MLH3: variants seen among roughly 807,000 people sequenced by gnomAD.
The protein encoded by MLH3 is mutL homolog 3.
Under a neutral mutation model 122.2 loss-of-function variants are expected in MLH3, and 82 were observed. That is an observed-to-expected ratio of 0.67 (90% confidence interval 0.56 to 0.81). MLH3 has a LOEUF of 0.81. Ranked by LOEUF, MLH3 falls within the 30% of genes least tolerant of loss-of-function variation. The probability of loss-of-function intolerance (pLI) is 0.00; values close to 1 mark genes in which losing one functional copy is unlikely to be tolerated. For synonymous variants in MLH3, 524 were observed against 599.5 expected (o/e 0.87, Z 1.84); for missense variants, 1,539 against 1,714.5 (o/e 0.90, Z 1.81).
chr14:75,027,998 T>C (rs549511360), intron 9 of MLH3, among the ~76,000 whole-genome samples: 9 of 147,026 alleles, frequency 6.1e-5, no homozygotes, highest in Non-Finnish European at 1.0e-4. Flanking sequence ...AAATGGAATA[T>C]ATAACTTCTA....
intron 2 of MLH3, among the ~76,000 whole-genome samples, chr14:75,045,067 C>G (rs748697960): frequency 6.6e-6 from 1 of 152,194 alleles, no homozygotes; most frequent in Non-Finnish European, 1.5e-5. Flanking sequence ...CAGTGGCTCA[C>G]GCCTATAATC....
rs28757015 is a variant in MLH3, at chr14:75,039,153, G to A, written c.3571-741C>T. On this transcript the variant is annotated intron_variant, in intron 5 of 12. Transcript: ENST00000355774. ...ATTACAGGCGTGAGCCAGCGCGCCC[G>A]GCTGCTAGTCTATTAAAGAAGTAAG... Among the ~76,000 whole-genome samples, 1,363 of 152,256 alleles carry A rather than the reference G, an allele frequency of 9.0e-3. 18 individuals carry two copies. Among genetic ancestry groups the A allele is most frequent in the African/African-American group, 0.03 (1,231 of 41,546 alleles).
intron 11 of MLH3, 44 bp from the exon 12 acceptor site, chr14:75,019,024 G>C (rs74408167): frequency 1.3e-6 from 2 of 1,567,912 alleles, no homozygotes; most frequent in Non-Finnish European, 1.8e-6. Context: ...GTATATAGTG[G>C]GAAACCAATG....
Position 75,041,714 on chromosome 14 carries a change from G to A in MLH3, c.3380-14C>T, listed in dbSNP as rs1216658521. 1 of 1,602,684 alleles carries A rather than the reference G, an allele frequency of 6.2e-7. No homozygotes were observed. The highest frequency in any genetic ancestry group is 8.6e-7 in the Non-Finnish European group (1 of 1,169,584). On this transcript the variant is annotated splice_polypyrimidine_tract_variant and intron_variant, in intron 3 of 12. Coordinates refer to ENST00000355774, the MANE Select transcript of MLH3 (RefSeq NM_001040108.2). The stretch of plus-strand genomic sequence containing the variant: ...CATCCACAGTATCTAGGGCAAAAGG[G>A]AACAGGTAAAGTTGGCATCCAGAAC...
At position 75,037,019 on chromosome 14, in the gene MLH3, C is replaced by T. The variant is rs189000608; in HGVS notation, c.3643+1321G>A. Among the ~76,000 whole-genome samples the T allele has an allele frequency of 7.0e-4, 106 of 151,878 alleles. 1 individual carries two copies. Among genetic ancestry groups the T allele is most frequent in the African/African-American group, 2.4e-3 (100 of 41,382 alleles). On this transcript the variant is annotated intron_variant, in intron 6 of 12. Transcript: ENST00000355774. ...TGCAAATGTGATGTGACATGTACCA[C>T]CCCAAAAACAACATCAAAATACAAA...
intron 11 of MLH3, among the ~76,000 whole-genome samples, chr14:75,020,217 G>A (rs57200967): frequency 0.036 from 5,521 of 152,304 alleles, 378 homozygotes; most frequent in African/African-American, 0.13. Context: ...GTGATATGAC[G>A]TGACACTGGA....
Position 75,049,000 on chromosome 14 carries a change from T to C in MLH3, c.656A>G (p.Lys219Arg). ...SRFCQIYGLG[K>R]SQKLREISFK... ...ACTTATTTCTCTTAGCTTTTGGGAC[T>C]TTCCCAATCCATAAATTTGACAAAA... The change falls in exon 2 of 13, where the codon AAG (lysine) becomes AGG (arginine). Residue 219 changes from lysine to arginine, a missense_variant. Lys to Arg is a conservative substitution (Grantham distance 26, BLOSUM62 2). Coordinates refer to ENST00000355774, the MANE Select transcript of MLH3 (RefSeq NM_001040108.2). The C allele has an allele frequency of 6.2e-7, 1 of 1,614,144 alleles. No individual in the cohort carries two copies. The highest frequency in any genetic ancestry group is 8.5e-7 in the Non-Finnish European group (1 of 1,180,018).
intron 9 of MLH3, among the ~76,000 whole-genome samples, chr14:75,025,397 G>A (rs569671477): frequency 2.0e-4 from 30 of 152,264 alleles, no homozygotes; most frequent in African/African-American, 6.0e-4. Flanking sequence ...CTTCATAGCC[G>A]TTATTGACCA....
At chr14:75,023,424 C>A (rs1224006574) in intron 9 of MLH3, among the ~76,000 whole-genome samples, 1 of 152,218 alleles carries the variant, frequency 6.6e-6, no homozygotes, top group Non-Finnish European at 1.5e-5. Flanking sequence ...AATAAATACA[C>A]AACAACCATC....
At position 75,042,485 on chromosome 14, in the gene MLH3, TAAGA is replaced by T. The variant is rs1356052383; in HGVS notation, c.3281-12_3281-9del. On this transcript the variant is annotated splice_polypyrimidine_tract_variant and intron_variant, in intron 2 of 12. Coordinates refer to ENST00000355774, the MANE Select transcript of MLH3 (RefSeq NM_001040108.2). Reference sequence around the variant, plus strand: ...GACACCTGTACTGAGACCCTAAATATAAGAAAGAAAAACCTAGAAATGTGAACTT... The same window carrying T: ...GACACCTGTACTGAGACCCTAAATATAAGAAAAACCTAGAAATGTGAACTT... The T allele has an allele frequency of 3.1e-6, 5 of 1,604,572 alleles. No individual in the cohort carries two copies. Among genetic ancestry groups the T allele is most frequent in the Non-Finnish European group, 4.3e-6 (5 of 1,171,466 alleles).
chr14:75,025,480 AC>A (rs1258187134), intron 9 of MLH3, among the ~76,000 whole-genome samples: 2 of 152,074 alleles, frequency 1.3e-5, no homozygotes, highest in East Asian at 3.9e-4. Flanking sequence ...TCCCTCTCTA[AC>A]CAAGTATTTT....
Position 75,048,945 on chromosome 14 carries a change from G to A in MLH3, c.711C>T (p.Gly237=), listed in dbSNP as rs758878329. 2.5e-6 allele frequency: 4 copies of A among 1,613,180 alleles called. No individual in the cohort carries two copies. The highest frequency in any genetic ancestry group is 3.3e-5 in the Admixed American group (2 of 59,860). The change falls in exon 2 of 13, where the codon GGC becomes GGT. Residue 237 remains glycine, a synonymous_variant. Coordinates refer to ENST00000355774, the MANE Select transcript of MLH3 (RefSeq NM_001040108.2). ...TGTAATGTGCTTCAGAGCTGATATA[G>A]CCACTAAGCTCAAACTCTTTATATT... ...SFKYKEFELS[G]YISSEAHYNK... is the part of the protein sequence containing the mutation.
chr14:75,030,749 A>T (rs2139389355), intron 8 of MLH3, 47 bp from the exon 9 acceptor site: 1 of 1,523,532 alleles, frequency 6.6e-7, no homozygotes, highest in Non-Finnish European at 9.1e-7. Context: ...GTGCTACTTC[A>T]TTTGCACTTC....
intron 9 of MLH3, among the ~76,000 whole-genome samples, chr14:75,026,230 A>G (rs1890619957): frequency 6.6e-6 from 1 of 152,198 alleles, no homozygotes; most frequent in African/African-American, 2.4e-5. Context: ...CTGTGCTCCA[A>G]ATCAAGAAAG....
In MLH3 at chr14:75,041,409, C is replaced by T. The variant is rs1018385204; in HGVS notation, c.3465+206G>A. Among the ~76,000 whole-genome samples the T allele has an allele frequency of 6.6e-5, 10 of 151,942 alleles. No individual in the cohort carries two copies. The South Asian group carries it at 1.0e-3, about 16-fold the overall frequency. ...TACTAAAAATACAAAATTCGCTGGG[C>T]GTGGTGGCAGGTGCCTGTAATCCCA... On this transcript the variant is annotated intron_variant, in intron 4 of 12. Coordinates refer to ENST00000355774, the MANE Select transcript of MLH3 (RefSeq NM_001040108.2).
At chr14:75,050,618 T>G (rs1892592552) in intron 1 of MLH3, among the ~76,000 whole-genome samples, 1 of 152,184 alleles carries the variant, frequency 6.6e-6, no homozygotes, top group Admixed American at 6.5e-5. Flanking sequence ...CAGCCTGGTC[T>G]CGAACTCCTG....
chr14:75,049,813 T>C (rs191364962), intron 1 of MLH3, 95 bp from the exon 2 acceptor site: 2 of 777,852 alleles, frequency 2.6e-6, no homozygotes, highest in East Asian at 5.3e-5. Flanking sequence ...GAAATCACTC[T>C]TATTAAACCA....
At chr14:75,032,212 G>A (rs774038148) in intron 7 of MLH3, 33 bp from the exon 8 acceptor site, 2 of 1,240,326 alleles carry the variant, frequency 1.6e-6, no homozygotes. Context: ...GTTAAGAGTA[G>A]GAAGGGAAGT....
chr14:75,050,551 C>T (rs1202301671), intron 1 of MLH3, among the ~76,000 whole-genome samples: 2 of 152,160 alleles, frequency 1.3e-5, no homozygotes, highest in East Asian at 3.8e-4. Flanking sequence ...AGGCGCTCGC[C>T]ACCATGCCTG....
Sources: gnomAD v4.1 joint callset for allele counts (sites outside exome capture counted in the v4.1 genomes callset) on GRCh38, gnomAD v4.1.1 for gene constraint, MANE v1.5 for transcripts, NCBI Gene and HGNC (gene_info 2026-07-23, HGNC 2026-07-21) for gene names.